Variants in ZBTB20 observed in about 807,000 individuals in gnomAD.
ZBTB20 encodes zinc finger and BTB domain-containing protein 20.
In ZBTB20, 9 loss-of-function variants were observed where a neutral mutation model predicts 56.9. That is an observed-to-expected ratio of 0.16 (90% CI 0.10 to 0.28). The LOEUF is 0.28. Ranked by LOEUF, ZBTB20 falls within the 10% of genes least tolerant of loss-of-function variation. ZBTB20 has a pLI of 1.00. For missense variants in ZBTB20, 655 were observed against 1,003.0 expected, an observed-to-expected ratio of 0.65 and a Z score of 4.69; for synonymous variants, 417 against 420.7, an observed-to-expected ratio of 0.99 and a Z score of 0.11.
chr3:114,828,988 G>A (rs557211916), intron 4 of ZBTB20, among the ~76,000 whole-genome samples: 1 of 151,906 alleles, frequency 6.6e-6, no homozygotes, highest in South Asian at 2.1e-4. Flanking sequence ...GTCACTTATG[G>A]ATTCTAGCTC....
At chr3:114,428,594 A>C (rs1478317263) in intron 7 of ZBTB20, among the ~76,000 whole-genome samples, 1 of 152,202 alleles carries the variant, frequency 6.6e-6, no homozygotes, top group Admixed American at 6.5e-5. Flanking sequence ...TGTCTAAGTA[A>C]GTAAAGAAAT....
chr3:114,815,458 T>C (rs2072850244), intron 4 of ZBTB20, among the ~76,000 whole-genome samples: 1 of 152,238 alleles, frequency 6.6e-6, no homozygotes, highest in East Asian at 1.9e-4. Flanking sequence ...TGACACATTT[T>C]AATCCCAATT....
chr3:114,336,712 C>T lies in ZBTB20; in HGVS notation c.*2293G>A, dbSNP rs1036312419. On this transcript the variant is annotated 3_prime_UTR_variant, in exon 12 of 12. Transcript: ENST00000675478. ...AGTTGTTTGTGTTGGAAGATTTTCC[C>T]TCGTTTGCTGCACAGTTTTTGTAAA... 1 of 152,138 alleles carries T rather than the reference C, an allele frequency of 6.6e-6. No individual in the cohort carries two copies. Among genetic ancestry groups the T allele is most frequent in the Non-Finnish European group, 1.5e-5 (1 of 68,028 alleles). 9.4% of individuals were successfully genotyped at this position (152,138 alleles called of 1,614,324 possible). A position where few individuals can be genotyped will look rare whatever the true frequency, so the allele number is the denominator to read the frequency against.
At chr3:115,015,685 T>C (rs1161322997) in intron 2 of ZBTB20, among the ~76,000 whole-genome samples, 2 of 151,972 alleles carry the variant, frequency 1.3e-5, no homozygotes, top group East Asian at 3.9e-4. Context: ...TTCCATGATA[T>C]ATATTTACTA....
At chr3:115,110,047 T>C (rs2083830992) in intron 1 of ZBTB20, among the ~76,000 whole-genome samples, 1 of 151,942 alleles carries the variant, frequency 6.6e-6, no homozygotes, top group Non-Finnish European at 1.5e-5. Context: ...CCGTCTCTAC[T>C]AAAAATACAA....
chr3:114,375,274 G>A (rs2083478175), intron 10 of ZBTB20, among the ~76,000 whole-genome samples: 1 of 152,018 alleles, frequency 6.6e-6, no homozygotes, highest in South Asian at 2.1e-4. Context: ...TTTTAAACAC[G>A]GCACCATAGA....
intron 6 of ZBTB20, among the ~76,000 whole-genome samples, chr3:114,629,478 TC>T: frequency 6.6e-6 from 1 of 152,158 alleles, no homozygotes; most frequent in African/African-American, 2.4e-5. Context: ...CTCAGTAAAA[TC>T]ATGTAAAATA....
Position 114,838,559 on chromosome 3 carries a change from GTC to G in ZBTB20, c.-416-37387_-416-37386del, listed in dbSNP as rs998839252. 2.1e-4 allele frequency among the ~76,000 whole-genome samples: 32 copies of G among 151,886 alleles called. 1 individual carries two copies. Among genetic ancestry groups the G allele is most frequent in the African/African-American group, 7.5e-4 (31 of 41,226 alleles). Reference sequence around the variant, plus strand: ...TCCATGGTGTGACTGGGGGGGGAAAGTCTCTGAAAAGTTAAAAGAAGACAGGG... The same window carrying G: ...TCCATGGTGTGACTGGGGGGGGAAAGTCTGAAAAGTTAAAAGAAGACAGGG... On this transcript the variant is annotated intron_variant, in intron 4 of 11. Transcript: ENST00000675478.
At chr3:114,984,488 C>T in intron 2 of ZBTB20, among the ~76,000 whole-genome samples, 1 of 151,962 alleles carries the variant, frequency 6.6e-6, no homozygotes, top group East Asian at 1.9e-4. Flanking sequence ...TCAGGATGCA[C>T]AACAACTACC....
chr3:114,619,136 C>A (rs1328794880), intron 6 of ZBTB20, among the ~76,000 whole-genome samples: 3 of 152,062 alleles, frequency 2.0e-5, no homozygotes, highest in African/African-American at 4.8e-5. Flanking sequence ...TTGTTTGGTG[C>A]CAGGTTTGTA....
intron 2 of ZBTB20, among the ~76,000 whole-genome samples, chr3:114,998,255 A>C (rs1322311090): frequency 6.6e-6 from 1 of 151,774 alleles, no homozygotes; most frequent in Non-Finnish European, 1.5e-5. Context: ...TTTGGATTTC[A>C]TCAATTTGTG....
At chr3:115,027,093 C>T (rs2108327414) in intron 2 of ZBTB20, among the ~76,000 whole-genome samples, 1 of 150,914 alleles carries the variant, frequency 6.6e-6, no homozygotes, top group Admixed American at 6.6e-5. Flanking sequence ...TACATTTAGA[C>T]ATTTAGGTAC....
intron 3 of ZBTB20, among the ~76,000 whole-genome samples, chr3:114,965,352 A>T (rs1429867730): frequency 6.6e-6 from 1 of 152,166 alleles, no homozygotes; most frequent in African/African-American, 2.4e-5. Flanking sequence ...AGTATAGAGT[A>T]TATTTTTATT....
chr3:114,347,085 T>G (rs2722016), intron 11 of ZBTB20, among the ~76,000 whole-genome samples: 873 of 65,068 alleles, frequency 0.013, 25 homozygotes, highest in South Asian at 0.018. Flanking sequence ...AGGTTTTTTT[T>G]TTTTTTTTTT....
At chr3:114,710,406 C>A (rs2063992817) in intron 5 of ZBTB20, 2 of 152,198 alleles carry the variant, frequency 1.3e-5, no homozygotes, top group South Asian at 4.1e-4. Flanking sequence ...TATCCAACTG[C>A]CTACTACATC....
In ZBTB20 at chr3:114,400,776, T is replaced by TCACC. The variant is rs572659765; in HGVS notation, c.-254-11675_-254-11672dup. On this transcript the variant is annotated intron_variant, in intron 7 of 11. Transcript: ENST00000675478. ...GTACACAGCTCCAGCCCACATGATTTCACCTGGCAGCCCCAAGAGACAAAA... is the reference window on the plus strand; with the variant it reads ...GTACACAGCTCCAGCCCACATGATTTCACCCACCTGGCAGCCCCAAGAGACAAAA... Among the ~76,000 whole-genome samples, 464 of 152,038 alleles carry TCACC rather than the reference T, an allele frequency of 3.1e-3. 4 individuals carry two copies. Among genetic ancestry groups the TCACC allele is most frequent in the African/African-American group, 0.01 (433 of 41,450 alleles).
At chr3:114,355,498 A>G (rs1309083904) in intron 10 of ZBTB20, among the ~76,000 whole-genome samples, 3 of 152,300 alleles carry the variant, frequency 2.0e-5, no homozygotes, top group Non-Finnish European at 4.4e-5. Context: ...CTGCCTCCCC[A>G]TTCAAGCATG....
intron 1 of ZBTB20, among the ~76,000 whole-genome samples, chr3:115,093,108 T>G (rs2083259058): frequency 6.6e-6 from 1 of 152,070 alleles, no homozygotes; most frequent in Non-Finnish European, 1.5e-5. Flanking sequence ...AGTCACAAAG[T>G]CAGAACAAAA....
At chr3:114,533,027 A>T (rs1314113348) in intron 6 of ZBTB20, among the ~76,000 whole-genome samples, 2 of 152,200 alleles carry the variant, frequency 1.3e-5, no homozygotes, top group African/African-American at 4.8e-5. Flanking sequence ...ATCCACAAAG[A>T]TGAGGAAAAA....
Sources: allele counts gnomAD v4.1 joint callset (sites outside exome capture counted in the v4.1 genomes callset), GRCh38; gene constraint gnomAD v4.1.1; transcripts MANE v1.5; gene names NCBI Gene and HGNC (gene_info 2026-07-23, HGNC 2026-07-21).